PDE1A: variants seen among roughly 807,000 people sequenced by gnomAD.
PDE1A encodes the protein phosphodiesterase 1A.
In PDE1A, 35 loss-of-function variants were observed where a neutral mutation model predicts 61.7. The observed-to-expected ratio is 0.57, with a 90% CI of 0.43 to 0.75. The LOEUF is 0.75. Ranked by LOEUF, PDE1A falls within the 30% of genes least tolerant of loss-of-function variation. The pLI is 0.00. For missense variants in PDE1A, 597 were observed against 630.6 expected, an observed-to-expected ratio of 0.95 and a Z score of 0.57; for synonymous variants, 232 against 213.2, an observed-to-expected ratio of 1.09 and a Z score of -0.77.
chr2:182,602,920 A>G, the PDE1A span, among the ~76,000 whole-genome samples: 1 of 152,188 alleles, frequency 6.6e-6, no homozygotes, highest in Non-Finnish European at 1.5e-5. Flanking sequence ...AGAATACAAT[A>G]TCAACTCAGT....
chr2:182,158,176 T>C (rs1378882135), intron 13 of PDE1A, among the ~76,000 whole-genome samples: 1 of 152,186 alleles, frequency 6.6e-6, no homozygotes, highest in Non-Finnish European at 1.5e-5. Flanking sequence ...TGCAAGTTGC[T>C]CCTATTGAAG....
intron 2 of PDE1A, among the ~76,000 whole-genome samples, chr2:182,490,061 T>C (rs148834821): frequency 2.7e-3 from 410 of 152,224 alleles, no homozygotes; most frequent in African/African-American, 9.4e-3. Flanking sequence ...CAATAAAGTG[T>C]TATTCTGGAA....
At chr2:182,696,851 G>A in the PDE1A span, among the ~76,000 whole-genome samples, 2 of 152,142 alleles carry the variant, frequency 1.3e-5, no homozygotes, top group Non-Finnish European at 2.9e-5. Context: ...ATTTGTTATA[G>A]ATCATTAGGT....
intron 2 of PDE1A, among the ~76,000 whole-genome samples, chr2:182,513,271 C>A (rs1366733364): frequency 6.6e-6 from 1 of 152,132 alleles, no homozygotes; most frequent in Non-Finnish European, 1.5e-5. Flanking sequence ...CTCTACAAGC[C>A]AGAAGAGACT....
At chr2:182,550,958 A>C in the PDE1A span, among the ~76,000 whole-genome samples, 1 of 152,146 alleles carries the variant, frequency 6.6e-6, no homozygotes, top group East Asian at 1.9e-4. Flanking sequence ...CCAAACAGGA[A>C]GGGAGCCTGG....
intron 1 of PDE1A, among the ~76,000 whole-genome samples, chr2:182,345,981 A>G (rs1235260312): frequency 6.6e-6 from 1 of 152,236 alleles, no homozygotes; most frequent in East Asian, 1.9e-4. Context: ...AGTCAAATGA[A>G]GTAACACGAG....
At chr2:182,413,866 G>A (rs1702763337) in intron 1 of PDE1A, among the ~76,000 whole-genome samples, 1 of 152,092 alleles carries the variant, frequency 6.6e-6, no homozygotes, top group Non-Finnish European at 1.5e-5. Flanking sequence ...AAATCTCATG[G>A]TGCACTAGTG....
the PDE1A span, among the ~76,000 whole-genome samples, chr2:182,665,672 T>C: frequency 6.6e-6 from 1 of 152,150 alleles, no homozygotes; most frequent in African/African-American, 2.4e-5. Context: ...TCCTCAAAGA[T>C]CTAGAACCAG....
At chr2:182,461,329 C>T (rs1284737312) in intron 2 of PDE1A, among the ~76,000 whole-genome samples, 1 of 152,008 alleles carries the variant, frequency 6.6e-6, no homozygotes, top group East Asian at 1.9e-4. Flanking sequence ...TAAATTGTTT[C>T]CATCGAAAAA....
chr2:182,471,534 C>A (rs987571570), intron 2 of PDE1A, among the ~76,000 whole-genome samples: 1 of 151,672 alleles, frequency 6.6e-6, no homozygotes, highest in South Asian at 2.1e-4. Context: ...TGTTTCTTCT[C>A]CAAGATATAC....
intron 1 of PDE1A, among the ~76,000 whole-genome samples, chr2:182,276,536 T>C (rs1301457427): frequency 1.3e-5 from 2 of 152,082 alleles, no homozygotes; most frequent in East Asian, 3.9e-4. Context: ...AATCTGAGGA[T>C]ATTTGTCACC....
chr2:182,205,981 T>C (rs147417355), exon 8 of PDE1A: 2 of 1,611,716 alleles, frequency 1.2e-6, no homozygotes, highest in African/African-American at 2.7e-5. Flanking sequence ...TATTCATTTC[T>C]TCTTCTTGCA....
At chr2:182,557,415 T>C in the PDE1A span, among the ~76,000 whole-genome samples, 93 of 151,946 alleles carry the variant, frequency 6.1e-4, no homozygotes, top group African/African-American at 1.4e-3. Context: ...TTCTGGCCCA[T>C]TTAAAAATGT....
intron 13 of PDE1A, among the ~76,000 whole-genome samples, chr2:182,180,646 G>C (rs1377266692): frequency 6.6e-6 from 1 of 151,924 alleles, no homozygotes; most frequent in Non-Finnish European, 1.5e-5. Context: ...TGCTAGGTTG[G>C]GGAAGTTCTC....
chr2:182,183,772 C>T (rs1040465840), intron 13 of PDE1A, among the ~76,000 whole-genome samples: 5 of 151,438 alleles, frequency 3.3e-5, no homozygotes, highest in Admixed American at 6.6e-5. Flanking sequence ...AATATGCTAA[C>T]AATGAATGAA....
At chr2:182,287,521 T>C (rs1218660673) in intron 1 of PDE1A, among the ~76,000 whole-genome samples, 1 of 152,148 alleles carries the variant, frequency 6.6e-6, no homozygotes, top group Non-Finnish European at 1.5e-5. Flanking sequence ...ATACTAGCCC[T>C]GTTTGGCACA....
chr2:182,534,068 C>T, the PDE1A span, among the ~76,000 whole-genome samples: 3 of 151,954 alleles, frequency 2.0e-5, no homozygotes, highest in African/African-American at 4.8e-5. Context: ...GAAAGTCACT[C>T]ATAACCCCTG....
the PDE1A span, among the ~76,000 whole-genome samples, chr2:182,536,491 A>G: frequency 6.6e-6 from 1 of 152,204 alleles, no homozygotes; most frequent in Non-Finnish European, 1.5e-5. Context: ...TGACCTATGT[A>G]GCAAAACCTG....
chr2:182,544,760 C>T, the PDE1A span, among the ~76,000 whole-genome samples: 1 of 152,104 alleles, frequency 6.6e-6, no homozygotes, highest in Non-Finnish European at 1.5e-5. Flanking sequence ...GTCTGTTTTT[C>T]TTGATTCTCT....
Sources: allele counts gnomAD v4.1 joint callset (sites outside exome capture counted in the v4.1 genomes callset), GRCh38; gene constraint gnomAD v4.1.1; transcripts MANE v1.5; gene names NCBI Gene and HGNC (gene_info 2026-07-23, HGNC 2026-07-21).